GPM6A: variants seen among roughly 807,000 people sequenced by gnomAD.
GPM6A encodes the protein glycoprotein M6A.
Under a neutral mutation model 32.1 loss-of-function variants are expected in GPM6A, and 7 were observed. That is an observed-to-expected ratio of 0.22 (90% CI 0.12 to 0.41). GPM6A has a LOEUF of 0.41. Among genes scored for constraint, GPM6A ranks in the 10% least tolerant of loss-of-function variants. GPM6A has a pLI of 1.00. For synonymous variants in GPM6A, 130 were observed against 123.4 expected (o/e 1.05, Z -0.35); for missense variants, 235 against 347.2 (o/e 0.68, Z 2.57).
chr4:175,662,613 C>T (rs971520090), intron 3 of GPM6A, among the ~76,000 whole-genome samples: 1 of 151,682 alleles, frequency 6.6e-6, no homozygotes, highest in Non-Finnish European at 1.5e-5. Context: ...AACCCAAAAA[C>T]AAAACCAAAG....
Position 175,640,833 on chromosome 4 carries a change from C to T in GPM6A, c.542-4G>A. The T allele has an allele frequency of 6.3e-7, 1 of 1,576,794 alleles. No individual in the cohort carries two copies. Among genetic ancestry groups the T allele is most frequent in the Non-Finnish European group, 8.7e-7 (1 of 1,146,662 alleles). On this transcript the variant is annotated splice_polypyrimidine_tract_variant and splice_region_variant and intron_variant, in intron 4 of 6. Coordinates refer to ENST00000393658, the MANE Select transcript of GPM6A (RefSeq NM_201591.3). ...TCCTCTCCAATTGTCACAATTCCTA[C>T]AATGTGTGGGAAATGACAGTTTAGC...
chr4:175,881,448 G>A (rs1337078141), intron 1 of GPM6A, among the ~76,000 whole-genome samples: 5 of 152,156 alleles, frequency 3.3e-5, no homozygotes, highest in Admixed American at 3.3e-4. Context: ...ATTCCTCAGG[G>A]ATCTAGAACT....
At chr4:175,716,397 C>G (rs1277762985) in intron 1 of GPM6A, among the ~76,000 whole-genome samples, 1 of 152,126 alleles carries the variant, frequency 6.6e-6, no homozygotes, top group Non-Finnish European at 1.5e-5. Context: ...TTCTGAGTAA[C>G]TGGTAAAGAG....
chr4:175,983,457 C>T (rs929671312), intron 1 of GPM6A, among the ~76,000 whole-genome samples: 1 of 152,172 alleles, frequency 6.6e-6, no homozygotes, highest in African/African-American at 2.4e-5. Flanking sequence ...AGGAAGTTTA[C>T]TTCTATTCCT....
chr4:175,887,500 A>T (rs1401562086), intron 1 of GPM6A, among the ~76,000 whole-genome samples: 1 of 151,944 alleles, frequency 6.6e-6, no homozygotes. Context: ...CTCTTAAAAG[A>T]ACAAAATACA....
intron 1 of GPM6A, among the ~76,000 whole-genome samples, chr4:175,770,200 G>A (rs762908511): frequency 6.6e-5 from 10 of 152,040 alleles, no homozygotes; most frequent in African/African-American, 9.7e-5. Context: ...CTAGTTTTTT[G>A]TACTTAGTAG....
At chr4:175,667,464 G>C (rs1415610847) in intron 3 of GPM6A, among the ~76,000 whole-genome samples, 4 of 152,108 alleles carry the variant, frequency 2.6e-5, no homozygotes, top group African/African-American at 9.7e-5. Flanking sequence ...TCTAAGGAGG[G>C]ACAATTAAAT....
At chr4:175,826,286 TCTCTCTC>T (rs1735435728) in intron 1 of GPM6A, among the ~76,000 whole-genome samples, 1 of 147,406 alleles carries the variant, frequency 6.8e-6, no homozygotes. Context: ...AATCTCTCTT[TCTCTCTC>T]TCTCTCTCTC....
chr4:175,650,119 C>T (rs915865874), intron 4 of GPM6A, among the ~76,000 whole-genome samples: 1 of 152,076 alleles, frequency 6.6e-6, no homozygotes, highest in Non-Finnish European at 1.5e-5. Flanking sequence ...CATATTCCCT[C>T]TTGCCAAGAA....
intron 1 of GPM6A, chr4:175,872,832 A>G (rs1197812581): frequency 6.6e-6 from 1 of 152,176 alleles, no homozygotes; most frequent in African/African-American, 2.4e-5. Flanking sequence ...TAAAATTTAC[A>G]CTTCTGTGAA....
intron 1 of GPM6A, among the ~76,000 whole-genome samples, chr4:175,855,932 G>A (rs996371093): frequency 3.3e-5 from 5 of 152,328 alleles, no homozygotes; most frequent in African/African-American, 9.6e-5. Context: ...ACAGGAGCAC[G>A]TAAGAGCCTA....
intron 1 of GPM6A, among the ~76,000 whole-genome samples, chr4:175,889,360 C>CA (rs1273421824): frequency 3.9e-5 from 6 of 151,952 alleles, no homozygotes; most frequent in Non-Finnish European, 7.4e-5. Context: ...CCTGCCACTA[C>CA]AAAAAAATTT....
chr4:175,664,088 A>G (rs969043300), intron 3 of GPM6A, among the ~76,000 whole-genome samples: 5 of 152,224 alleles, frequency 3.3e-5, no homozygotes, highest in African/African-American at 1.2e-4. Flanking sequence ...AAAGAAGCCA[A>G]TCTGAAAAAG....
At chr4:175,740,571 T>C (rs1416826493) in intron 1 of GPM6A, among the ~76,000 whole-genome samples, 4 of 152,060 alleles carry the variant, frequency 2.6e-5, no homozygotes, top group Non-Finnish European at 5.9e-5. Context: ...TAATTGAATA[T>C]ATCTTAATAG....
intron 1 of GPM6A, among the ~76,000 whole-genome samples, chr4:175,838,609 A>G (rs997911998): frequency 1.5e-5 from 2 of 135,380 alleles, no homozygotes; most frequent in African/African-American, 5.6e-5. Context: ...GGAAAACTTT[A>G]TGTGAACAAA....
chr4:175,822,813 T>A (rs1560951797), intron 1 of GPM6A, among the ~76,000 whole-genome samples: 1 of 152,170 alleles, frequency 6.6e-6, no homozygotes, highest in Non-Finnish European at 1.5e-5. Context: ...TTTGTCCTAG[T>A]GTTCTCCCTC....
chr4:175,773,355 A>G (rs1435449993), intron 1 of GPM6A, among the ~76,000 whole-genome samples: 1 of 152,220 alleles, frequency 6.6e-6, no homozygotes, highest in East Asian at 1.9e-4. Context: ...AATTATTTCC[A>G]GAATTCACTG....
At chr4:175,870,881 A>G (rs6834407) in intron 1 of GPM6A, among the ~76,000 whole-genome samples, 346 of 152,256 alleles carry the variant, frequency 2.3e-3, no homozygotes, top group African/African-American at 7.9e-3. Flanking sequence ...ATCTTTTTAA[A>G]GAGATGTTGT....
chr4:175,708,019 A>G (rs1240523470), intron 1 of GPM6A, among the ~76,000 whole-genome samples: 3 of 152,216 alleles, frequency 2.0e-5, no homozygotes, highest in African/African-American at 7.2e-5. Context: ...ACTTTGTTCA[A>G]TACTTTTGCA....
Sources: allele counts gnomAD v4.1 joint callset (sites outside exome capture counted in the v4.1 genomes callset), GRCh38; gene constraint gnomAD v4.1.1; transcripts MANE v1.5; gene names NCBI Gene and HGNC (gene_info 2026-07-23, HGNC 2026-07-21).